DGKB: variants seen among roughly 807,000 people sequenced by gnomAD.
The protein encoded by DGKB is diacylglycerol kinase beta.
In DGKB, 67 loss-of-function variants were observed where a neutral mutation model predicts 114.3. The ratio of observed to expected loss-of-function variants is 0.59; its 90% confidence interval spans 0.48 to 0.72. DGKB has a LOEUF of 0.72. Among genes scored for constraint, DGKB ranks in the 30% least tolerant of loss-of-function variants. The pLI is 0.00. For missense variants in DGKB, 907 were observed against 975.2 expected (o/e 0.93, Z 0.93); for synonymous variants, 398 against 323.1 (o/e 1.23, Z -2.49).
chr7:14,889,903 A>G (rs775598577), intron 1 of DGKB, among the ~76,000 whole-genome samples: 1 of 151,482 alleles, frequency 6.6e-6, no homozygotes, highest in Non-Finnish European at 1.5e-5. Flanking sequence ...TTTTTCAATT[A>G]TTTTTCTGAT....
chr7:14,570,619 A>G (rs1300529859), intron 20 of DGKB, among the ~76,000 whole-genome samples: 2 of 151,874 alleles, frequency 1.3e-5, no homozygotes, highest in Admixed American at 6.5e-5. Context: ...AAATGTTAAG[A>G]AAATTATAAG....
chr7:14,307,734 T>C (rs186756822), intron 23 of DGKB, among the ~76,000 whole-genome samples: 2 of 152,334 alleles, frequency 1.3e-5, no homozygotes, highest in African/African-American at 2.4e-5. Flanking sequence ...AAGTATATAG[T>C]GTGATTTTCC....
chr7:14,314,381 T>C (rs937902796), intron 23 of DGKB, among the ~76,000 whole-genome samples: 15 of 150,554 alleles, frequency 1.0e-4, no homozygotes, highest in Non-Finnish European at 1.9e-4. Context: ...TTGAAAACTT[T>C]GAAAAAAATT....
intron 1 of DGKB, among the ~76,000 whole-genome samples, chr7:14,873,676 C>T (rs543497912): frequency 1.3e-5 from 2 of 151,878 alleles, no homozygotes; most frequent in South Asian, 2.1e-4. Context: ...TATGTATGCA[C>T]ATTTTTCAAT....
In DGKB at chr7:14,726,875, T is replaced by C. The variant is rs531909695; in HGVS notation, c.323-8190A>G. 4.6e-5 allele frequency among the ~76,000 whole-genome samples: 7 copies of C among 152,294 alleles called. No homozygotes were observed. In the South Asian group the frequency reaches 1.0e-3, roughly 23 times the overall value. On this transcript the variant is annotated intron_variant, in intron 5 of 25. Transcript: ENST00000402815. ...TCATGTAAAACCAGACCCCAGGTACTGAGGATAAAGCATGGAACAAAGCAG... is the reference window on the plus strand; with the variant it reads ...TCATGTAAAACCAGACCCCAGGTACCGAGGATAAAGCATGGAACAAAGCAG...
At chr7:14,361,097 T>C (rs1440171820) in intron 21 of DGKB, among the ~76,000 whole-genome samples, 1 of 152,090 alleles carries the variant, frequency 6.6e-6, no homozygotes, top group African/African-American at 2.4e-5. Context: ...CTAATAAAAC[T>C]TGTTTCTATT....
intron 6 of DGKB, among the ~76,000 whole-genome samples, chr7:14,710,956 C>T (rs1010404854): frequency 1.3e-4 from 20 of 152,076 alleles, no homozygotes; most frequent in African/African-American, 4.6e-4. Context: ...ATATGAATGG[C>T]TTGTACTTTA....
chr7:14,239,983 T>C (rs1793402314), intron 23 of DGKB, among the ~76,000 whole-genome samples: 1 of 151,960 alleles, frequency 6.6e-6, no homozygotes, highest in Non-Finnish European at 1.5e-5. Flanking sequence ...GAAGAAAAAA[T>C]TAAAAATAAT....
intron 17 of DGKB, among the ~76,000 whole-genome samples, chr7:14,594,510 G>C (rs1802226635): frequency 6.6e-6 from 1 of 152,116 alleles, no homozygotes; most frequent in Non-Finnish European, 1.5e-5. Context: ...CCTGATATTT[G>C]AAAGAAGTTA....
At chr7:14,727,173 C>T (rs1830150025) in intron 5 of DGKB, among the ~76,000 whole-genome samples, 1 of 151,800 alleles carries the variant, frequency 6.6e-6, no homozygotes, top group Non-Finnish European at 1.5e-5. Context: ...TACAGAAACT[C>T]CTGTGTGTTG....
At chr7:14,904,949 C>T, upstream of DGKB, among the ~76,000 whole-genome samples, 1 of 152,058 alleles carries the variant, frequency 6.6e-6, no homozygotes, top group Admixed American at 6.6e-5. Flanking sequence ...TTAAACTTGC[C>T]CTGCTCAACA....
intron 2 of DGKB, among the ~76,000 whole-genome samples, chr7:14,821,685 G>A (rs1479656573): frequency 6.6e-6 from 1 of 152,184 alleles, no homozygotes; most frequent in East Asian, 1.9e-4. Flanking sequence ...TAGGGATTCT[G>A]AATAGTGCTT....
chr7:14,339,626 A>C (rs2108510), intron 22 of DGKB, among the ~76,000 whole-genome samples: 9,199 of 152,038 alleles, frequency 0.061, 538 homozygotes, highest in East Asian at 0.29. Flanking sequence ...TGACAAGACT[A>C]TTCTGTATTT....
chr7:14,623,828 A>T (rs1271146571), intron 14 of DGKB, among the ~76,000 whole-genome samples: 1 of 152,206 alleles, frequency 6.6e-6, no homozygotes, highest in African/African-American at 2.4e-5. Context: ...TAATGTATAT[A>T]GGAGTGAATT....
At chr7:14,956,648 A>G (rs1786520854) in intron 1 of DGKB, among the ~76,000 whole-genome samples, 1 of 152,040 alleles carries the variant, frequency 6.6e-6, no homozygotes, top group African/African-American at 2.4e-5. Flanking sequence ...GCTTTCAGCA[A>G]AATTTCATTG....
rs538023909 is a variant in DGKB at position 14,369,552 on chromosome 7, T to C, written c.1836-24161A>G. Among the ~76,000 whole-genome samples the C allele has an allele frequency of 9.8e-5, 15 of 152,332 alleles. No individual in the cohort carries two copies. The South Asian group carries it at 3.1e-3, about 32-fold the overall frequency. On this transcript the variant is annotated intron_variant, in intron 21 of 25. Coordinates refer to ENST00000402815, the MANE Select transcript of DGKB (RefSeq NM_001350709.2). ...ACTCCCACCAATATTGTAAAAGTGT[T>C]CCTATTTCTCCACATCCTCTCCAGC... is the stretch of plus-strand genomic sequence containing the variant.
chr7:14,252,720 A>T (rs1042154254), intron 23 of DGKB, among the ~76,000 whole-genome samples: 1 of 152,120 alleles, frequency 6.6e-6, no homozygotes, highest in Non-Finnish European at 1.5e-5. Flanking sequence ...ACTTAGGTCC[A>T]TGGGGTTTAA....
intron 23 of DGKB, among the ~76,000 whole-genome samples, chr7:14,300,318 G>A (rs1330649170): frequency 6.6e-6 from 1 of 151,936 alleles, no homozygotes; most frequent in Non-Finnish European, 1.5e-5. Flanking sequence ...TTTGTAGGGA[G>A]TGCTCTAGGT....
intron 20 of DGKB, among the ~76,000 whole-genome samples, chr7:14,496,103 C>A (rs191143029): frequency 1.3e-5 from 2 of 151,926 alleles, no homozygotes; most frequent in Admixed American, 6.6e-5. Flanking sequence ...TAATAATTAA[C>A]ATACTGACTT....
Sources: gnomAD v4.1 joint callset for allele counts (sites outside exome capture counted in the v4.1 genomes callset) on GRCh38, gnomAD v4.1.1 for gene constraint, MANE v1.5 for transcripts, NCBI Gene and HGNC (gene_info 2026-07-23, HGNC 2026-07-21) for gene names.